The following PRELID2 variants were observed in gnomAD, a reference collection of about 807,000 sequenced individuals.
PRELID2 encodes PRELI domain-containing protein 2.
Under a neutral mutation model 28.4 loss-of-function variants are expected in PRELID2, and 25 were observed. That is an observed-to-expected ratio of 0.88 (90% CI 0.64 to 1.23). The LOEUF (loss-of-function observed/expected upper bound fraction) is 1.23. Ranked by LOEUF, PRELID2 falls within the 50% of genes most tolerant of loss-of-function variation. The pLI, the probability that PRELID2 is intolerant of heterozygous loss-of-function variation, is 0.00. For missense variants in PRELID2, 201 were observed against 214.4 expected (o/e 0.94, Z 0.39); for synonymous variants, 76 against 71.6 (o/e 1.06, Z -0.31).
At chr5:145,821,718 C>T (rs1485246195) in intron 2 of PRELID2, among the ~76,000 whole-genome samples, 1 of 152,208 alleles carries the variant, frequency 6.6e-6, no homozygotes, top group Non-Finnish European at 1.5e-5. Context: ...CCAGTGTTTG[C>T]TGCACACATA....
the PRELID2 span, chr5:145,229,032 T>C: frequency 6.2e-7 from 1 of 1,601,892 alleles, no homozygotes. Context: ...GGAGTTCATC[T>C]GGGCGGCCAT....
chr5:145,408,540 C>T, the PRELID2 span, among the ~76,000 whole-genome samples: 1 of 149,138 alleles, frequency 6.7e-6, no homozygotes, highest in Non-Finnish European at 1.5e-5. Context: ...AAAAGACAAT[C>T]ACAACTTCTG....
chr5:145,595,159 T>TAC (rs1175258261), intron 1 of PRELID2, among the ~76,000 whole-genome samples: 1 of 57,544 alleles, frequency 1.7e-5, no homozygotes, highest in East Asian at 6.8e-4. Flanking sequence ...AGAGTCATAA[T>TAC]AGACACACAC....
chr5:145,620,139 A>T (rs1334772862), intron 1 of PRELID2, among the ~76,000 whole-genome samples: 1 of 152,240 alleles, frequency 6.6e-6, no homozygotes, highest in Non-Finnish European at 1.5e-5. Context: ...TATTATCCAT[A>T]GCAGCATTAT....
chr5:145,817,923 G>C lies in PRELID2; in HGVS notation c.339C>G (p.Val113=). 6.4e-7 allele frequency: 1 copy of C among 1,564,170 alleles called. No homozygotes were observed. Among genetic ancestry groups the C allele is most frequent in the Non-Finnish European group, 8.6e-7 (1 of 1,157,834 alleles). Residue 113 remains valine (V), a synonymous_variant, in exon 4 of 7, where the codon GTC becomes GTG. Coordinates refer to ENST00000683046, the MANE Select transcript of PRELID2 (RefSeq NM_205846.3). ...TTGGGTTTTCCATACTTTCCCGGAAGACAGACTCTTCCTTCATGGATGCAT... is the reference window on the plus strand; with the variant it reads ...TTGGGTTTTCCATACTTTCCCGGAACACAGACTCTTCCTTCATGGATGCAT... ...TQYASMKEES[V]FRESMENPNW...
the PRELID2 span, among the ~76,000 whole-genome samples, chr5:145,250,534 T>A: frequency 3.3e-5 from 5 of 152,042 alleles, no homozygotes; most frequent in Admixed American, 3.3e-4. Flanking sequence ...AGAATATTGA[T>A]GAAAAAGAAC....
chr5:145,278,712 C>T, the PRELID2 span, among the ~76,000 whole-genome samples: 1 of 152,048 alleles, frequency 6.6e-6, no homozygotes, highest in African/African-American at 2.4e-5. Context: ...GGGGAGGGGT[C>T]CATCCAAGGA....
intron 1 of PRELID2, among the ~76,000 whole-genome samples, chr5:145,474,703 G>A (rs867297853): frequency 9.9e-5 from 15 of 152,246 alleles, no homozygotes; most frequent in Middle Eastern, 3.4e-3. Context: ...ATAGTTATTC[G>A]GGGGGTCAGT....
intron 1 of PRELID2, among the ~76,000 whole-genome samples, chr5:145,568,824 C>T (rs1752991318): frequency 6.6e-6 from 1 of 152,216 alleles, no homozygotes; most frequent in African/African-American, 2.4e-5. Flanking sequence ...GAGAAGGCAT[C>T]AGGTTACTGG....
intron 5 of PRELID2, among the ~76,000 whole-genome samples, chr5:145,780,615 T>C (rs1468066067): frequency 1.3e-5 from 2 of 152,216 alleles, no homozygotes; most frequent in African/African-American, 4.8e-5. Context: ...GTTTTTTTAA[T>C]TTTGTTTAAA....
intron 1 of PRELID2, among the ~76,000 whole-genome samples, chr5:145,656,410 C>A (rs1261513141): frequency 1.3e-5 from 2 of 151,964 alleles, no homozygotes; most frequent in African/African-American, 4.8e-5. Flanking sequence ...GGGTATATTC[C>A]CAAAGGATTA....
At chr5:145,251,232 C>G in the PRELID2 span, among the ~76,000 whole-genome samples, 1 of 152,064 alleles carries the variant, frequency 6.6e-6, no homozygotes, top group African/African-American at 2.4e-5. Context: ...GAGGCATACT[C>G]CAGGCTAGGA....
At position 145,656,718 on chromosome 5, in the gene PRELID2, C is replaced by T. The variant is rs186839439; in HGVS notation, n.70+108213G>A. Among the ~76,000 whole-genome samples, 119 of 134,074 alleles carry T rather than the reference C, an allele frequency of 8.9e-4. No individual in the cohort carries two copies. The Middle Eastern group carries it at 0.018, about 20-fold the overall frequency. 88.0% of individuals were successfully genotyped at this position (134,074 alleles called of 152,430 possible). On this transcript the variant is annotated intron_variant and non_coding_transcript_variant, in intron 1 of 2. Coordinates refer to the PRELID2 transcript ENST00000510259. The stretch of plus-strand genomic sequence containing the variant: ...ATTGAACAATGAGAACACTTGGACA[C>T]AGGAAGGGGAACATCACACACCAGG...
chr5:145,825,225 C>CAAAAAAAA (rs56818178), intron 1 of PRELID2, among the ~76,000 whole-genome samples: 8 of 60,428 alleles, frequency 1.3e-4, no homozygotes, highest in Non-Finnish European at 2.2e-4. Context: ...GACTCTGTCT[C>CAAAAAAAA]AAAAAAAAAA....
intron 1 of PRELID2, among the ~76,000 whole-genome samples, chr5:145,546,218 G>T (rs1752786771): frequency 7.1e-6 from 1 of 141,244 alleles, no homozygotes; most frequent in African/African-American, 3.0e-5. Flanking sequence ...GAATAACATA[G>T]GAGCAAGAGA....
the PRELID2 span, among the ~76,000 whole-genome samples, chr5:145,301,976 A>G: frequency 7.1e-6 from 1 of 140,516 alleles, no homozygotes; most frequent in Non-Finnish European, 1.5e-5. Context: ...TGCATTTTCA[A>G]ATAATTTTAG....
chr5:145,317,261 C>T, the PRELID2 span, among the ~76,000 whole-genome samples: 1 of 152,212 alleles, frequency 6.6e-6, no homozygotes, highest in Admixed American at 6.5e-5. Flanking sequence ...CCAGGGGTTA[C>T]TCTAGAAGTT....
intron 5 of PRELID2, among the ~76,000 whole-genome samples, chr5:145,770,605 T>C (rs1410494202): frequency 1.3e-5 from 2 of 152,192 alleles, no homozygotes; most frequent in African/African-American, 4.8e-5. Context: ...TCCATGTTAC[T>C]GCCCCTGAAG....
At chr5:145,397,658 T>C in the PRELID2 span, among the ~76,000 whole-genome samples, 9 of 152,022 alleles carry the variant, frequency 5.9e-5, no homozygotes, top group African/African-American at 1.4e-4. Flanking sequence ...GGAGAGAAGA[T>C]AGGAAAAGAG....
Sources: allele counts gnomAD v4.1 joint callset (sites outside exome capture counted in the v4.1 genomes callset), GRCh38; gene constraint gnomAD v4.1.1; transcripts MANE v1.5; gene names NCBI Gene and HGNC (gene_info 2026-07-23, HGNC 2026-07-21).